Variants in TUSC3 observed in about 807,000 individuals in gnomAD.
The protein encoded by TUSC3 is tumor suppressor candidate 3.
In TUSC3, 45 loss-of-function variants were observed where a neutral mutation model predicts 44.8. The ratio of observed to expected loss-of-function variants is 1.00; its 90% CI spans 0.79 to 1.29. The LOEUF (loss-of-function observed/expected upper bound fraction) is 1.29. Among genes scored for constraint, TUSC3 ranks in the 50% most tolerant of loss-of-function variants. TUSC3 has a pLI of 0.00. For missense variants in TUSC3, 519 were observed against 437.9 expected, an observed-to-expected ratio of 1.19 and a Z score of -1.65; for synonymous variants, 212 against 152.9, an observed-to-expected ratio of 1.39 and a Z score of -2.85.
At chr8:15,811,494 G>A in the TUSC3 span, among the ~76,000 whole-genome samples, 16 of 152,184 alleles carry the variant, frequency 1.1e-4, no homozygotes, top group Non-Finnish European at 2.2e-4. Flanking sequence ...ATCAGTCCCA[G>A]GGCTTCAGCC....
chr8:15,700,052 C>T (rs1451521732), intron 6 of TUSC3, among the ~76,000 whole-genome samples: 1 of 152,006 alleles, frequency 6.6e-6, no homozygotes, highest in Non-Finnish European at 1.5e-5. Context: ...AGATTAAATA[C>T]CCTGTCCTGT....
intron 1 of TUSC3, among the ~76,000 whole-genome samples, chr8:15,551,174 T>C: frequency 6.6e-6 from 1 of 151,818 alleles, no homozygotes. Context: ...TCTCTGAAAT[T>C]ACATACATTT....
At chr8:15,674,893 T>C (rs1231434827) in intron 6 of TUSC3, among the ~76,000 whole-genome samples, 1 of 152,032 alleles carries the variant, frequency 6.6e-6, no homozygotes, top group African/African-American at 2.4e-5. Context: ...GAGCAATAAA[T>C]TATTCCCTTA....
intron 2 of TUSC3, among the ~76,000 whole-genome samples, chr8:15,493,572 A>C (rs1277349857): frequency 1.3e-5 from 2 of 152,150 alleles, no homozygotes; most frequent in Admixed American, 6.6e-5. Context: ...ACAGATATCA[A>C]CTTAATAAAA....
chr8:15,582,194 C>G (rs548427999), intron 1 of TUSC3, among the ~76,000 whole-genome samples: 8 of 152,312 alleles, frequency 5.3e-5, no homozygotes, highest in Admixed American at 2.0e-4. Context: ...ACCCACTGGC[C>G]TGCGCCCACT....
chr8:15,563,922 A>G (rs1366716399), intron 1 of TUSC3, among the ~76,000 whole-genome samples: 5 of 152,084 alleles, frequency 3.3e-5, no homozygotes, highest in Admixed American at 6.6e-5. Flanking sequence ...TTTCCTTTTC[A>G]TGAGGATATG....
chr8:15,428,821 G>A (rs1259311846), intron 1 of TUSC3, among the ~76,000 whole-genome samples: 2 of 151,032 alleles, frequency 1.3e-5, no homozygotes, highest in African/African-American at 4.9e-5. Flanking sequence ...GGGGTTGTTT[G>A]TTTTTTTCTT....
At chr8:15,802,199 G>T in the TUSC3 span, among the ~76,000 whole-genome samples, 1 of 152,132 alleles carries the variant, frequency 6.6e-6, no homozygotes, top group Non-Finnish European at 1.5e-5. Context: ...GCAATAGAGA[G>T]TCGTGCTGTA....
intron 2 of TUSC3, among the ~76,000 whole-genome samples, chr8:15,639,162 T>C (rs1230535414): frequency 1.3e-5 from 2 of 151,470 alleles, no homozygotes; most frequent in East Asian, 2.0e-4. Context: ...TGATCATGTG[T>C]CGATGCTAGA....
chr8:15,698,745 T>G (rs1809271754), intron 6 of TUSC3, among the ~76,000 whole-genome samples: 1 of 152,232 alleles, frequency 6.6e-6, no homozygotes, highest in Non-Finnish European at 1.5e-5. Context: ...ACATCTTCAT[T>G]ATGCTCTTTT....
At position 15,748,660 on chromosome 8, in the gene TUSC3, T is replaced by C. The variant is rs770667416; in HGVS notation, c.1028+195T>C. On this transcript the variant is annotated intron_variant, in intron 9 of 10. Coordinates refer to ENST00000503731, the MANE Select transcript of TUSC3 (RefSeq NM_006765.4). ...AGGAGATATAAGGCATGGTTCTTGT[T>C]CCCTGACAGCATGTAGTTTCTTTCT... 8.2e-6 allele frequency: 6 copies of C among 731,848 alleles called. No homozygotes were observed. In the African/African-American group the frequency reaches 1.0e-4, roughly 13 times the overall value. The allele number at this position is 731,848 out of a possible 1,614,324, so 45.3% of individuals were successfully genotyped here.
intron 2 of TUSC3, among the ~76,000 whole-genome samples, chr8:15,530,707 G>A (rs1038980906): frequency 6.6e-6 from 1 of 152,206 alleles, no homozygotes; most frequent in Non-Finnish European, 1.5e-5. Flanking sequence ...CAATGTAATA[G>A]TAAATGCTCA....
intron 1 of TUSC3, among the ~76,000 whole-genome samples, chr8:15,455,789 T>C (rs1389941213): frequency 6.6e-6 from 1 of 152,172 alleles, no homozygotes; most frequent in Non-Finnish European, 1.5e-5. Context: ...GGGAGATACT[T>C]ACGTTTTAAA....
intron 1 of TUSC3, among the ~76,000 whole-genome samples, chr8:15,590,754 C>T (rs1803797061): frequency 6.6e-6 from 1 of 151,986 alleles, no homozygotes; most frequent in Admixed American, 6.6e-5. Context: ...TCATTGTTGC[C>T]TCTACCTCCT....
At chr8:15,491,755 A>T (rs1208225911) in intron 2 of TUSC3, among the ~76,000 whole-genome samples, 2 of 152,178 alleles carry the variant, frequency 1.3e-5, no homozygotes, top group Non-Finnish European at 2.9e-5. Context: ...ACGCAGAGAC[A>T]TTTGCTGAAG....
intron 1 of TUSC3, among the ~76,000 whole-genome samples, chr8:15,552,096 G>A (rs1802079505): frequency 6.6e-6 from 1 of 151,676 alleles, no homozygotes; most frequent in African/African-American, 2.4e-5. Flanking sequence ...CTGTTTGGGT[G>A]TTGATTTCTT....
At chr8:15,749,300 G>T (rs1200498449) in intron 9 of TUSC3, among the ~76,000 whole-genome samples, 2 of 152,120 alleles carry the variant, frequency 1.3e-5, no homozygotes, top group Non-Finnish European at 2.9e-5. Context: ...TTCCACCTGT[G>T]AGCAGTGGAC....
intron 2 of TUSC3, among the ~76,000 whole-genome samples, chr8:15,522,975 T>C (rs1801317822): frequency 6.6e-6 from 1 of 152,130 alleles, no homozygotes; most frequent in Admixed American, 6.5e-5. Flanking sequence ...AATGCGAAGA[T>C]GCATCGTTAA....
Position 15,559,596 on chromosome 8 carries a change from G to T in TUSC3, c.138+19028G>T, listed in dbSNP as rs184237100. On this transcript the variant is annotated intron_variant, in intron 1 of 10. Transcript: ENST00000503731. The stretch of plus-strand genomic sequence containing the variant: ...TCTCGTTGATCTGTCTAATGTTGAC[G>T]GTGGGGTGCTAAAGTCTCCCATTAT... 1.1e-4 allele frequency among the ~76,000 whole-genome samples: 15 copies of T among 134,996 alleles called. 4 individuals carry two copies. The highest frequency in any genetic ancestry group is 4.1e-4 in the African/African-American group (15 of 36,910). The allele number at this position is 134,996 out of a possible 152,430, so 88.6% of individuals were successfully genotyped here.
Sources: gnomAD v4.1 joint callset for allele counts (sites outside exome capture counted in the v4.1 genomes callset) on GRCh38, gnomAD v4.1.1 for gene constraint, MANE v1.5 for transcripts, NCBI Gene and HGNC (gene_info 2026-07-23, HGNC 2026-07-21) for gene names.